The following CACNA1I variants were observed in gnomAD, a reference collection of about 807,000 sequenced individuals.
CACNA1I encodes voltage-dependent T-type calcium channel subunit alpha-1I.
CACNA1I carries 74 observed loss-of-function variants against 201.6 expected under a neutral mutation model. The ratio of observed to expected loss-of-function variants is 0.37; its 90% CI spans 0.30 to 0.45. CACNA1I has a LOEUF of 0.45. CACNA1I is among the 20% of genes least tolerant of loss of function. The pLI is 1.00. For synonymous variants in CACNA1I, 1,431 were observed against 1,345.2 expected (o/e 1.06, Z -1.40); for missense variants, 2,346 against 3,138.1 (o/e 0.75, Z 6.03).
intron 3 of CACNA1I, among the ~76,000 whole-genome samples, chr22:39,608,426 G>T (rs1365633926): frequency 6.6e-6 from 1 of 151,738 alleles, no homozygotes; most frequent in Non-Finnish European, 1.5e-5. Flanking sequence ...CATAGCGAGA[G>T]CCCATTTCTT....
At chr22:39,581,452 C>G (rs752312014) in intron 1 of CACNA1I, among the ~76,000 whole-genome samples, 1 of 152,128 alleles carries the variant, frequency 6.6e-6, no homozygotes, top group African/African-American at 2.4e-5. Context: ...TGCTGGGTGC[C>G]GTTCCTGCTC....
At chr22:39,627,358 C>T (rs528207323) in intron 4 of CACNA1I, among the ~76,000 whole-genome samples, 1 of 152,352 alleles carries the variant, frequency 6.6e-6, no homozygotes, top group African/African-American at 2.4e-5. Context: ...GGGGCCAGGG[C>T]AGAGGAGGGA....
chr22:39,572,180 T>C (rs931849448), intron 1 of CACNA1I, among the ~76,000 whole-genome samples: 1 of 152,088 alleles, frequency 6.6e-6, no homozygotes, highest in African/African-American at 2.4e-5. Flanking sequence ...TGGAGAGATC[T>C]GTGCTCTGGA....
At chr22:39,571,187 T>C in intron 1 of CACNA1I, 199 bp downstream of exon 1, 1 of 605,894 alleles carries the variant, frequency 1.7e-6, no homozygotes, top group Non-Finnish European at 3.0e-6. Flanking sequence ...GGTGTTCTGC[T>C]GATGTGAAGG....
intron 20 of CACNA1I, 24 bp from the exon 21 acceptor site, chr22:39,664,686 CACCTGCCCGCCCCTCCCGCGGCAGCCTGA>C: frequency 4.2e-6 from 3 of 720,910 alleles, no homozygotes; most frequent in African/African-American, 1.8e-5. Context: ...TGGCCCCGCC[CACCTGCCCGCCCCTCCCGCGGCAGCCTGA>C]CCCCGGCCCC....
Position 39,649,551 on chromosome 22 carries a change from C to A in CACNA1I, c.1618C>A (p.Gln540Lys). 6.4e-7 allele frequency: 1 copy of A among 1,551,678 alleles called. No individual in the cohort carries two copies. The highest frequency in any genetic ancestry group is 8.7e-7 in the Non-Finnish European group (1 of 1,147,814). ...GGATGCGACGCCCCACACCCTGGTG[C>A]AGCCCATCCCCGCCACGCTGGCTTC... The part of the protein sequence containing the change: ...PLDATPHTLV[Q>K]PIPATLASDP... The change falls in exon 10 of 37, where the codon CAG becomes AAG. Residue 540 changes from glutamine to lysine, a missense_variant. Coordinates refer to ENST00000402142, the MANE Select transcript of CACNA1I (RefSeq NM_021096.4). The surrounding 1 kb of genome is among the most constrained non-coding windows in gnomAD (Gnocchi z 7.3).
Position 39,686,339 on chromosome 22 carries a change from GC to G in CACNA1I, c.6611del (p.Pro2204ArgfsTer68). On this transcript the variant is annotated frameshift_variant, in exon 37 of 37. Transcript: ENST00000402142. LOFTEE classifies it high-confidence loss of function. ...PLPMGLGPLA[P>X]PPQPLPGELE... is the part of the protein sequence containing the mutation. ...TGCCCATGGGCCTGGGCCCCTTGGC[GC>G]CCCCGCCGCAACCGCTCCCCGGAGA... 1 of 1,302,948 alleles carries G rather than the reference GC, an allele frequency of 7.7e-7. No individual in the cohort carries two copies. The highest frequency in any genetic ancestry group is 9.8e-7 in the Non-Finnish European group (1 of 1,024,770). The allele number at this position is 1,302,948 out of a possible 1,614,324, so 80.7% of individuals were successfully genotyped here.
Position 39,666,025 on chromosome 22 carries a change from G to T in CACNA1I, c.4104+19G>T. 1 of 1,610,222 alleles carries T rather than the reference G, an allele frequency of 6.2e-7. No individual in the cohort carries two copies. The highest frequency in any genetic ancestry group is 8.5e-7 in the Non-Finnish European group (1 of 1,178,094). On this transcript the variant is annotated intron_variant, in intron 23 of 36. Transcript: ENST00000402142. This position sits in a 1 kb window ranked among gnomAD's most constrained non-coding sequence, Gnocchi z 4.1. ...GGGCCAGGTGAGCACCACCGTCCTA[G>T]CCCTGATCAGACCCTCCCCTCTCTT...
intron 17 of CACNA1I, among the ~76,000 whole-genome samples, 161 bp downstream of exon 17, chr22:39,662,596 C>G (rs1395708353): frequency 6.6e-6 from 1 of 152,034 alleles, no homozygotes; most frequent in Admixed American, 6.5e-5. Context: ...AGGGGTGGGG[C>G]CAGAACTGCC....
chr22:39,576,493 CAG>C (rs1478314870), intron 1 of CACNA1I, among the ~76,000 whole-genome samples: 3 of 152,240 alleles, frequency 2.0e-5, no homozygotes, highest in African/African-American at 7.2e-5. Context: ...TTGCCACCTG[CAG>C]AGTCTGGAGA....
intron 3 of CACNA1I, among the ~76,000 whole-genome samples, chr22:39,617,741 C>T (rs1334437994): frequency 1.3e-5 from 2 of 151,808 alleles, no homozygotes; most frequent in East Asian, 3.9e-4. Context: ...GGCCCTCACC[C>T]TCTCTGCCTA....
Position 39,646,644 on chromosome 22 carries a change from C to A in CACNA1I, c.1225C>A (p.His409Asn). The stretch of plus-strand genomic sequence containing the variant: ...GTTCTCGGAGACCAAGCAACGGGAG[C>A]ACCGGCTGATGCTGGAGCAGCGGCA... The part of the protein sequence containing the change: ...TQFSETKQRE[H>N]RLMLEQRQRY... Residue 409 changes from histidine (H) to asparagine (N), a missense_variant, in exon 8 of 37, where the codon CAC becomes AAC. By Grantham distance (68) the His-to-Asn change is moderately conservative. Transcript: ENST00000402142. 4 of 1,574,258 alleles carry A rather than the reference C, an allele frequency of 2.5e-6. No individual in the cohort carries two copies. The highest frequency in any genetic ancestry group is 3.4e-6 in the Non-Finnish European group (4 of 1,160,324).
chr22:39,673,468 C>T (rs117957933), intron 28 of CACNA1I, among the ~76,000 whole-genome samples: 12 of 152,322 alleles, frequency 7.9e-5, no homozygotes, highest in South Asian at 2.1e-4. Flanking sequence ...GTGACTGGGA[C>T]GCACGGTCTT....
At position 39,619,949 on chromosome 22, in the gene CACNA1I, A is replaced by G. The variant is rs191894534; in HGVS notation, c.580+542A>G. Among the ~76,000 whole-genome samples, 25 of 147,992 alleles carry G rather than the reference A, an allele frequency of 1.7e-4. No individual in the cohort carries two copies. In the East Asian group the frequency reaches 2.6e-3, roughly 15 times the overall value. On this transcript the variant is annotated intron_variant, in intron 4 of 36. Transcript: ENST00000402142. ...TATCCACCTGTCCATCCATCCATCCATCCGTCCGTCCGTCCATCCATCCAT... is the reference window on the plus strand; with the variant it reads ...TATCCACCTGTCCATCCATCCATCCGTCCGTCCGTCCGTCCATCCATCCAT...
At chr22:39,673,113 G>A in intron 28 of CACNA1I, 31 bp downstream of exon 28, 1 of 1,584,572 alleles carries the variant, frequency 6.3e-7, no homozygotes, top group South Asian at 1.1e-5. Flanking sequence ...CAGGGAACGG[G>A]GACAAGCAGG....
rs1431446236 is a variant in CACNA1I, at chr22:39,616,772, AAAAAAAAAAAAAAAAG to A, written c.483-2533_483-2518del. On this transcript the variant is annotated intron_variant, in intron 3 of 36. Coordinates refer to ENST00000402142, the MANE Select transcript of CACNA1I (RefSeq NM_021096.4). ...AGAGTGAAACTCTGTCTCAAAAAAA[AAAAAAAAAAAAAAAAG>A]AAAAGAAAAAGAAAACACTCTTTGT... 6.4e-3 allele frequency among the ~76,000 whole-genome samples: 391 copies of A among 61,132 alleles called. 1 individual carries two copies. Among genetic ancestry groups the A allele is most frequent in the African/African-American group, 0.013 (300 of 23,838 alleles). 40.1% of individuals were successfully genotyped at this position (61,132 alleles called of 152,430 possible).
chr22:39,646,625 G>A lies in CACNA1I; in HGVS notation c.1206G>A (p.Ser402=), dbSNP rs773346482. The change falls in exon 8 of 37, where the codon TCG becomes TCA. Residue 402 remains serine (S), a synonymous_variant. Coordinates refer to ENST00000402142, the MANE Select transcript of CACNA1I (RefSeq NM_021096.4). ...LCLVVIATQF[S]ETKQREHRLM... ...TCGTTGTCATAGCGACCCAGTTCTC[G>A]GAGACCAAGCAACGGGAGCACCGGC... The A allele has an allele frequency of 1.5e-5, 23 of 1,572,620 alleles. No homozygotes were observed. In the African/African-American group the frequency reaches 1.6e-4, roughly 11 times the overall value.
chr22:39,593,461 T>C (rs1932845756), intron 1 of CACNA1I, among the ~76,000 whole-genome samples: 2 of 152,146 alleles, frequency 1.3e-5, no homozygotes, highest in Admixed American at 6.5e-5. Context: ...CCGGGGAAGC[T>C]TCAAGAAGAG....
intron 3 of CACNA1I, among the ~76,000 whole-genome samples, chr22:39,603,183 C>T (rs574971941): frequency 2.6e-4 from 39 of 151,678 alleles, no homozygotes; most frequent in African/African-American, 8.9e-4. Flanking sequence ...TGCTTTCCAT[C>T]ATCTCAGAAG....
Sources: allele counts gnomAD v4.1 joint callset (sites outside exome capture counted in the v4.1 genomes callset), GRCh38; gene constraint gnomAD v4.1.1; non-coding constraint Gnocchi (gnomAD v3.1); transcripts MANE v1.5; gene names NCBI Gene and HGNC (gene_info 2026-07-23, HGNC 2026-07-21).